Variants in ACSS3 observed in about 807,000 individuals in gnomAD.
ACSS3 encodes the protein acyl-CoA synthetase short chain family member 3.
In ACSS3, 64 loss-of-function variants were observed where a neutral mutation model predicts 84.2. The observed-to-expected ratio is 0.76, with a 90% confidence interval of 0.62 to 0.94. The LOEUF (loss-of-function observed/expected upper bound fraction) is 0.94. Among genes scored for constraint, ACSS3 ranks in the 40% least tolerant of loss-of-function variants. The pLI, the probability that ACSS3 is intolerant of heterozygous loss-of-function variation, is 0.00. For missense variants in ACSS3, 815 were observed against 867.6 expected, an observed-to-expected ratio of 0.94 and a Z score of 0.76; for synonymous variants, 317 against 310.1, an observed-to-expected ratio of 1.02 and a Z score of -0.23.
intron 13 of ACSS3, among the ~76,000 whole-genome samples, chr12:81,243,083 A>G (rs1279943057): frequency 6.6e-6 from 1 of 152,242 alleles, no homozygotes; most frequent in East Asian, 1.9e-4. Context: ...CTGTTTGCAG[A>G]TGACATGATT....
intron 11 of ACSS3, among the ~76,000 whole-genome samples, chr12:81,220,342 A>C (rs1020922795): frequency 6.6e-6 from 1 of 152,098 alleles, no homozygotes; most frequent in African/African-American, 2.4e-5. Flanking sequence ...TATAGATGAT[A>C]AAGTTAACTT....
At chr12:81,126,053 C>T (rs897240043) in intron 2 of ACSS3, among the ~76,000 whole-genome samples, 9 of 152,084 alleles carry the variant, frequency 5.9e-5, no homozygotes, top group Non-Finnish European at 1.3e-4. Context: ...CATTGTTTTT[C>T]GGGTTAGTCT....
intron 8 of ACSS3, among the ~76,000 whole-genome samples, chr12:81,192,382 G>GA (rs2031618846): frequency 6.6e-6 from 1 of 151,794 alleles, no homozygotes; most frequent in East Asian, 1.9e-4. Flanking sequence ...TCCATCTCAG[G>GA]AAAAAAGCAA....
intron 8 of ACSS3, among the ~76,000 whole-genome samples, chr12:81,181,913 G>T (rs1031643651): frequency 6.6e-6 from 1 of 152,004 alleles, no homozygotes. Context: ...GAGATTTATG[G>T]GACGTCATTA....
intron 2 of ACSS3, among the ~76,000 whole-genome samples, chr12:81,121,915 ATATTATTATTAT>A (rs10527532): frequency 1.4e-4 from 20 of 146,110 alleles, no homozygotes; most frequent in Middle Eastern, 7.4e-3. Context: ...AGAGTATGCT[ATATTATTATTAT>A]TATTATTATT....
intron 13 of ACSS3, among the ~76,000 whole-genome samples, chr12:81,250,988 C>G (rs940222249): frequency 6.6e-6 from 1 of 152,148 alleles, no homozygotes; most frequent in Non-Finnish European, 1.5e-5. Flanking sequence ...ACGACCTTAA[C>G]CTACTGTAGT....
intron 7 of ACSS3, among the ~76,000 whole-genome samples, chr12:81,152,633 A>G (rs898057951): frequency 6.6e-6 from 1 of 152,212 alleles, no homozygotes; most frequent in Admixed American, 6.5e-5. Context: ...CTTTGCATAT[A>G]GGAAATTTAC....
At chr12:81,187,467 C>G (rs1415459358) in intron 8 of ACSS3, among the ~76,000 whole-genome samples, 1 of 151,804 alleles carries the variant, frequency 6.6e-6, no homozygotes, top group Non-Finnish European at 1.5e-5. Context: ...ATATTCAGAG[C>G]TAATACTCCG....
At chr12:81,197,585 C>T (rs1270516980) in intron 8 of ACSS3, among the ~76,000 whole-genome samples, 1 of 152,158 alleles carries the variant, frequency 6.6e-6, no homozygotes, top group Admixed American at 6.5e-5. Flanking sequence ...TTAATACTAT[C>T]TTGAAGAGAA....
At chr12:81,172,273 A>AAAAAAAAAAAAAT (rs2030121257) in intron 7 of ACSS3, among the ~76,000 whole-genome samples, 1 of 151,088 alleles carries the variant, frequency 6.6e-6, no homozygotes, top group African/African-American at 2.4e-5. Flanking sequence ...AAAAAAAAAA[A>AAAAAAAAAAAAAT]AAAAGGCCCT....
At chr12:81,157,814 A>G (rs1000107545) in intron 7 of ACSS3, among the ~76,000 whole-genome samples, 3 of 152,124 alleles carry the variant, frequency 2.0e-5, no homozygotes, top group African/African-American at 4.8e-5. Flanking sequence ...CTCAAAAAAT[A>G]AATAAATAAA....
At chr12:81,142,989 T>A (rs1297899607) in intron 4 of ACSS3, 118 bp from the exon 5 acceptor site, 7 of 925,914 alleles carry the variant, frequency 7.6e-6, no homozygotes, top group Non-Finnish European at 1.0e-5. Context: ...TGATGTTCAG[T>A]GCCATATAGG....
At chr12:81,155,849 A>T (rs578162078) in intron 7 of ACSS3, among the ~76,000 whole-genome samples, 1 of 152,344 alleles carries the variant, frequency 6.6e-6, no homozygotes, top group East Asian at 1.9e-4. Flanking sequence ...TTGATAAAAC[A>T]ACAGACAGAA....
At chr12:81,101,807 T>C (rs549260702) in intron 1 of ACSS3, among the ~76,000 whole-genome samples, 1 of 152,112 alleles carries the variant, frequency 6.6e-6, no homozygotes, top group African/African-American at 2.4e-5. Context: ...TTAATATTAA[T>C]TTTCTTGACT....
At chr12:81,128,389 A>T (rs993235749) in intron 2 of ACSS3, among the ~76,000 whole-genome samples, 1 of 152,160 alleles carries the variant, frequency 6.6e-6, no homozygotes, top group Non-Finnish European at 1.5e-5. Context: ...ACACATTGTT[A>T]TATCTAAATA....
rs541999181 is a variant in ACSS3 at position 81,153,229 on chromosome 12, G to A, written c.1098+1133G>A. Among the ~76,000 whole-genome samples, 18 of 152,164 alleles carry A rather than the reference G, an allele frequency of 1.2e-4. No homozygotes were observed. The East Asian group carries it at 3.1e-3, about 26-fold the overall frequency. On this transcript the variant is annotated intron_variant, in intron 7 of 15. Coordinates refer to ENST00000548058, the MANE Select transcript of ACSS3 (RefSeq NM_024560.4). ...TCGAGACCAGCCTGCCAAACATGGT[G>A]AAGCCCTGTCTGTACTAAAAATGCA...
chr12:81,187,728 A>G (rs1363506767), intron 8 of ACSS3, among the ~76,000 whole-genome samples: 1 of 152,022 alleles, frequency 6.6e-6, no homozygotes, highest in Non-Finnish European at 1.5e-5. Context: ...TATATTTTAA[A>G]GCAACAAGGG....
intron 13 of ACSS3, among the ~76,000 whole-genome samples, chr12:81,249,429 A>ATACT (rs1303248673): frequency 6.6e-6 from 1 of 152,066 alleles, no homozygotes; most frequent in Non-Finnish European, 1.5e-5. Context: ...TGGTGTTAAC[A>ATACT]TACTGTCTTT....
chr12:81,226,964 TACACACACAC>T (rs34439721), intron 11 of ACSS3, among the ~76,000 whole-genome samples: 167 of 149,028 alleles, frequency 1.1e-3, no homozygotes, highest in African/African-American at 3.9e-3. Flanking sequence ...CAATAGGATT[TACACACACAC>T]ACACACACAC....
Sources: gnomAD v4.1 joint callset for allele counts (sites outside exome capture counted in the v4.1 genomes callset) on GRCh38, gnomAD v4.1.1 for gene constraint, MANE v1.5 for transcripts, NCBI Gene and HGNC (gene_info 2026-07-23, HGNC 2026-07-21) for gene names.